Variants in DAPP1 observed in about 807,000 individuals in gnomAD.
DAPP1 encodes dual adapter for phosphotyrosine and 3-phosphotyrosine and 3-phosphoinositide.
DAPP1 carries 20 observed loss-of-function variants against 41.5 expected under a neutral mutation model. The observed-to-expected ratio is 0.48, with a 90% CI of 0.34 to 0.70. DAPP1 has a LOEUF of 0.70. DAPP1 is among the 30% of genes least tolerant of loss of function. DAPP1 has a pLI of 0.01. For synonymous variants in DAPP1, 113 were observed against 116.2 expected (o/e 0.97, Z 0.18); for missense variants, 233 against 333.4 (o/e 0.70, Z 2.35).
intron 3 of DAPP1, chr4:99,844,269 A>G (rs914596656): frequency 3.3e-5 from 5 of 152,232 alleles, no homozygotes; most frequent in African/African-American, 9.6e-5. Context: ...GCTCCTCCCC[A>G]CTGCAAAGGA....
intron 1 of DAPP1, among the ~76,000 whole-genome samples, chr4:99,832,883 T>A (rs886640434): frequency 2.0e-5 from 3 of 152,074 alleles, no homozygotes; most frequent in African/African-American, 7.2e-5. Flanking sequence ...CATAAACAAC[T>A]GTTATCAGGC....
Position 99,853,349 on chromosome 4 carries a change from G to A in DAPP1, c.489+1G>A. The A allele has an allele frequency of 6.2e-7, 1 of 1,606,416 alleles. No individual in the cohort carries two copies. The highest frequency in any genetic ancestry group is 1.1e-5 in the South Asian group (1 of 89,788). On this transcript the variant is annotated splice_donor_variant, in intron 4 of 8. Transcript: ENST00000512369. LOFTEE classifies it high-confidence loss of function. ...TGACCTTGTGCCCACAGCACCTTCTGTAAGTGACCTTCAACGTGACCACAA... is the reference window on the plus strand; with the variant it reads ...TGACCTTGTGCCCACAGCACCTTCTATAAGTGACCTTCAACGTGACCACAA...
intron 1 of DAPP1, among the ~76,000 whole-genome samples, chr4:99,823,571 T>A (rs918060035): frequency 2.0e-5 from 3 of 152,228 alleles, no homozygotes; most frequent in African/African-American, 7.2e-5. Context: ...TCTTGATCTG[T>A]CTCAAAGTAG....
rs188070374 is a variant in DAPP1, at chr4:99,817,608, G to T, written c.101+594G>T. On this transcript the variant is annotated intron_variant, in intron 1 of 8. Coordinates refer to ENST00000512369, the MANE Select transcript of DAPP1 (RefSeq NM_014395.3). ...TTCAGTACCAACAATCCAGGAAGAG[G>T]ATAAAATTTCTGCTTCAAACAGGTA... Among the ~76,000 whole-genome samples, 839 of 152,312 alleles carry T rather than the reference G, an allele frequency of 5.5e-3. 8 individuals carry two copies. The highest frequency in any genetic ancestry group is 9.1e-3 in the Non-Finnish European group (622 of 68,026).
At chr4:99,861,064 G>A (rs186686542) in intron 4 of DAPP1, among the ~76,000 whole-genome samples, 2 of 152,308 alleles carry the variant, frequency 1.3e-5, no homozygotes, top group African/African-American at 4.8e-5. Context: ...TCAAGAGAGT[G>A]TGGGGGTGGG....
chr4:99,862,319 C>G (rs1476837550), intron 5 of DAPP1, among the ~76,000 whole-genome samples: 3 of 152,138 alleles, frequency 2.0e-5, no homozygotes, highest in African/African-American at 7.2e-5. Context: ...TGTTTAAATC[C>G]TCTGTTACTT....
At chr4:99,847,647 CT>C (rs1015288769) in intron 3 of DAPP1, among the ~76,000 whole-genome samples, 13 of 152,200 alleles carry the variant, frequency 8.5e-5, no homozygotes, top group African/African-American at 3.1e-4. Context: ...CTACCCCTGC[CT>C]CCTGTTGCCT....
intron 1 of DAPP1, among the ~76,000 whole-genome samples, chr4:99,821,213 T>A (rs17610893): frequency 1.3e-5 from 2 of 152,226 alleles, no homozygotes; most frequent in African/African-American, 4.8e-5. Flanking sequence ...CTACTATGCA[T>A]CAGCACCATA....
intron 4 of DAPP1, among the ~76,000 whole-genome samples, chr4:99,858,559 G>A (rs1006992222): frequency 5.3e-5 from 8 of 152,126 alleles, no homozygotes; most frequent in African/African-American, 1.9e-4. Context: ...AATGTTTGGG[G>A]TGAGGTTATT....
chr4:99,840,318 T>C lies in DAPP1; in HGVS notation c.254T>C (p.Val85Ala). The C allele has an allele frequency of 6.3e-7, 1 of 1,590,828 alleles. No homozygotes were observed. The highest frequency in any genetic ancestry group is 8.6e-7 in the Non-Finnish European group (1 of 1,165,660). Residue 85 changes from valine (V) to alanine (A), a missense_variant, in exon 3 of 9, where the codon GTT (valine) becomes GCT (alanine). By Grantham distance (64) the Val-to-Ala change is moderately conservative (BLOSUM62 0). Transcript: ENST00000512369. The stretch of plus-strand genomic sequence containing the variant: ...AAAGATTCTGTTAAACACTTTCATG[T>C]TGAATATACTGGATATTCATTTAAA... ...RAKDSVKHFH[V>A]EYTGYSFKFG... is the part of the protein sequence containing the mutation.
intron 1 of DAPP1, among the ~76,000 whole-genome samples, chr4:99,826,920 G>A (rs1722954662): frequency 6.6e-6 from 1 of 152,212 alleles, no homozygotes; most frequent in Non-Finnish European, 1.5e-5. Context: ...GCTATTTGGT[G>A]ATTCTTCTAT....
intron 3 of DAPP1, among the ~76,000 whole-genome samples, chr4:99,844,858 A>G (rs977250068): frequency 2.0e-5 from 3 of 152,206 alleles, no homozygotes; most frequent in South Asian, 2.1e-4. Context: ...TTGTGACACC[A>G]CCCAGGTGAT....
intron 3 of DAPP1, among the ~76,000 whole-genome samples, chr4:99,852,558 G>A (rs140253782): frequency 1.5e-4 from 23 of 152,296 alleles, no homozygotes; most frequent in African/African-American, 5.3e-4. Context: ...GATGGAAGGG[G>A]AAGGAGGCAA....
At chr4:99,844,420 C>T (rs1490009295) in intron 3 of DAPP1, 1 of 152,122 alleles carries the variant, frequency 6.6e-6, no homozygotes, top group Non-Finnish European at 1.5e-5. Context: ...ATTTGAGAAA[C>T]TTTTTTATTA....
chr4:99,840,475 G>C, intron 3 of DAPP1, 53 bp downstream of exon 3: 1 of 1,559,440 alleles, frequency 6.4e-7, no homozygotes, highest in South Asian at 1.2e-5. Flanking sequence ...GGATGGAGGA[G>C]AGACAAGGCA....
At chr4:99,846,015 T>C (rs182715702) in intron 3 of DAPP1, among the ~76,000 whole-genome samples, 4 of 152,320 alleles carry the variant, frequency 2.6e-5, no homozygotes, top group Admixed American at 2.0e-4. Flanking sequence ...GATGTTTTTT[T>C]CCCCTTATTT....
intron 4 of DAPP1, among the ~76,000 whole-genome samples, chr4:99,858,893 A>G (rs1254998565): frequency 2.0e-5 from 3 of 150,774 alleles, no homozygotes; most frequent in Admixed American, 6.6e-5. Context: ...GACCTCAAAA[A>G]AAATTTTTTT....
intron 3 of DAPP1, among the ~76,000 whole-genome samples, chr4:99,841,186 TTAA>T (rs1723483363): frequency 1.3e-5 from 2 of 152,214 alleles, no homozygotes; most frequent in Non-Finnish European, 2.9e-5. Flanking sequence ...AACTCAAGAC[TTAA>T]TAACACAACC....
rs1722978262 is a variant in DAPP1 at position 99,827,551 on chromosome 4, AAACAAAAC to A, written c.102-8069_102-8062del. ...ACGTCTCAAAAAAAAAACAACAAAA[AAACAAAAC>A]AAAAAACACCATCACACTTATAAGT... On this transcript the variant is annotated intron_variant, in intron 1 of 8. Coordinates refer to ENST00000512369, the MANE Select transcript of DAPP1 (RefSeq NM_014395.3). Among the ~76,000 whole-genome samples the A allele has an allele frequency of 5.9e-5, 7 of 118,772 alleles. 1 individual carries two copies. The highest frequency in any genetic ancestry group is 1.7e-4 in the African/African-American group (4 of 24,040). 77.9% of individuals were successfully genotyped at this position (118,772 alleles called of 152,430 possible). A position where few individuals can be genotyped will look rare whatever the true frequency, so the allele number is the denominator to read the frequency against.
Sources: allele counts gnomAD v4.1 joint callset (sites outside exome capture counted in the v4.1 genomes callset), GRCh38; gene constraint gnomAD v4.1.1; transcripts MANE v1.5; gene names NCBI Gene and HGNC (gene_info 2026-07-23, HGNC 2026-07-21).